ATP9B: variants seen among roughly 807,000 people sequenced by gnomAD.
The protein encoded by ATP9B is probable phospholipid-transporting ATPase IIB.
A neutral mutation model predicts 146.1 loss-of-function variants in ATP9B; 110 were observed. That is an observed-to-expected ratio of 0.75 (90% CI 0.65 to 0.88). The LOEUF is 0.88. Among genes scored for constraint, ATP9B ranks in the 40% least tolerant of loss-of-function variants. The pLI is 0.00. For missense variants in ATP9B, 1,499 were observed against 1,496.4 expected (o/e 1.00, Z -0.03); for synonymous variants, 604 against 569.7 (o/e 1.06, Z -0.86).
chr18:79,369,003 GGTTT>G (rs1487567152), intron 26 of ATP9B, among the ~76,000 whole-genome samples: 1 of 151,908 alleles, frequency 6.6e-6, no homozygotes, highest in African/African-American at 2.4e-5. Context: ...CTGTTTGGAG[GGTTT>G]GTTCTTGATA....
At chr18:79,226,665 C>T (rs529728402) in intron 11 of ATP9B, among the ~76,000 whole-genome samples, 2 of 152,302 alleles carry the variant, frequency 1.3e-5, no homozygotes, top group South Asian at 2.1e-4. Context: ...GCTGCTCACC[C>T]GCAGTAGATG....
chr18:79,222,640 G>A (rs1176530247), intron 11 of ATP9B, among the ~76,000 whole-genome samples: 1 of 152,174 alleles, frequency 6.6e-6, no homozygotes, highest in Non-Finnish European at 1.5e-5. Context: ...AAAATTCTGA[G>A]ATTAAAAAGA....
At position 79,189,654 on chromosome 18, in the gene ATP9B, C is replaced by T. The variant is rs534794922; in HGVS notation, c.874-3529C>T. Among the ~76,000 whole-genome samples the T allele has an allele frequency of 1.2e-4, 19 of 152,226 alleles. 1 individual carries two copies. Among genetic ancestry groups the T allele is most frequent in the Middle Eastern group, 6.8e-3 (2 of 294 alleles). The stretch of plus-strand genomic sequence containing the variant: ...AAAATCATACGGAAGAGAAAATACA[C>T]TTATATAGTACAGTACTGTATTTTT... On this transcript the variant is annotated intron_variant, in intron 8 of 29. Transcript: ENST00000426216.
rs1242043175 is a variant in ATP9B, at chr18:79,347,773, G to A, written c.2686G>A (p.Gly896Ser). The A allele has an allele frequency of 3.2e-6, 5 of 1,558,840 alleles. No homozygotes were observed. The South Asian group carries it at 6.0e-5, about 19-fold the overall frequency. The change falls in exon 24 of 30, where the codon GGT becomes AGT. Residue 896 changes from glycine (G) to serine (S), a missense_variant. Coordinates refer to ENST00000426216, the MANE Select transcript of ATP9B (RefSeq NM_198531.5). ...GCCCCGTGTGCTTTTCTCTCAGGAGGGTAAACAGGCCTCGCTGGCGGCCGA... is the reference window on the plus strand; with the variant it reads ...GCCCCGTGTGCTTTTCTCTCAGGAGAGTAAACAGGCCTCGCTGGCGGCCGA... Reference protein sequence around the residue: ...DCGIGIEGKEGKQASLAADFS... With the variant: ...DCGIGIEGKESKQASLAADFS...
intron 12 of ATP9B, among the ~76,000 whole-genome samples, chr18:79,262,988 AATCT>A (rs1038576007): frequency 3.3e-5 from 5 of 152,368 alleles, no homozygotes; most frequent in East Asian, 3.9e-4. Context: ...AATTTATTTT[AATCT>A]ATCAAAAAAG....
intron 9 of ATP9B, among the ~76,000 whole-genome samples, chr18:79,196,464 AGAG>A (rs1286218619): frequency 3.9e-5 from 6 of 152,310 alleles, no homozygotes; most frequent in African/African-American, 1.2e-4. Context: ...AAAAGCAGGA[AGAG>A]GAGGAGAAAA....
At chr18:79,281,294 C>T (rs1328745882) in intron 13 of ATP9B, among the ~76,000 whole-genome samples, 2 of 151,910 alleles carry the variant, frequency 1.3e-5, no homozygotes, top group Admixed American at 6.6e-5. Context: ...GTCAGGAGTT[C>T]GAGACCAGCC....
intron 5 of ATP9B, among the ~76,000 whole-genome samples, chr18:79,127,399 C>T (rs1331291835): frequency 5.9e-5 from 9 of 152,190 alleles, no homozygotes; most frequent in East Asian, 5.8e-4. Flanking sequence ...AGGCAGCCGC[C>T]GTTCTCCTTT....
intron 4 of ATP9B, chr18:79,117,261 A>G (rs1352310641): frequency 6.6e-6 from 1 of 152,228 alleles, no homozygotes. Flanking sequence ...AGTGAACAAG[A>G]CAAACCAAAT....
chr18:79,333,963 C>T (rs868651040), intron 17 of ATP9B, among the ~76,000 whole-genome samples: 1 of 152,208 alleles, frequency 6.6e-6, no homozygotes, highest in South Asian at 2.1e-4. Context: ...GATGGAGAGT[C>T]TTAAGCAGCG....
At chr18:79,224,746 C>T (rs1459293463) in intron 11 of ATP9B, among the ~76,000 whole-genome samples, 1 of 152,208 alleles carries the variant, frequency 6.6e-6, no homozygotes, top group African/African-American at 2.4e-5. Flanking sequence ...TCTGCACCCT[C>T]CTGTTATCCT....
At chr18:79,132,208 T>C (rs978731238) in intron 5 of ATP9B, among the ~76,000 whole-genome samples, 1 of 152,234 alleles carries the variant, frequency 6.6e-6, no homozygotes, top group African/African-American at 2.4e-5. Context: ...ACTTTAAAAA[T>C]AATTTTCAGT....
Position 79,107,967 on chromosome 18 carries a change from A to G in ATP9B, c.294-2388A>G, listed in dbSNP as rs910662239. Reference sequence around the variant, plus strand: ...TGATGTGGGAGTTCGGCATCAGTATAGTGTAGTTGCAGTTGTCTGAGATGG... The same window carrying G: ...TGATGTGGGAGTTCGGCATCAGTATGGTGTAGTTGCAGTTGTCTGAGATGG... On this transcript the variant is annotated intron_variant, in intron 2 of 29. Transcript: ENST00000426216. Among the ~76,000 whole-genome samples the G allele has an allele frequency of 2.0e-5, 3 of 152,198 alleles. No homozygotes were observed. The South Asian group carries it at 6.2e-4, about 31-fold the overall frequency.
intron 11 of ATP9B, among the ~76,000 whole-genome samples, chr18:79,246,020 A>T (rs1261395965): frequency 1.8e-4 from 22 of 120,116 alleles, no homozygotes; most frequent in East Asian, 1.8e-3. Context: ...CGCCCTACTG[A>T]CTGAGGAGGG....
intron 8 of ATP9B, among the ~76,000 whole-genome samples, chr18:79,190,647 A>G (rs928449124): frequency 1.2e-4 from 19 of 152,026 alleles, no homozygotes; most frequent in African/African-American, 4.1e-4. Flanking sequence ...GGGTTCAACC[A>G]GTTTTCTCCT....
chr18:79,171,280 A>C (rs2095065951), intron 7 of ATP9B, among the ~76,000 whole-genome samples: 1 of 152,144 alleles, frequency 6.6e-6, no homozygotes, highest in Non-Finnish European at 1.5e-5. Context: ...CATTTCCAAA[A>C]TTTAAGACTG....
chr18:79,291,967 C>T (rs1434125524), intron 13 of ATP9B, among the ~76,000 whole-genome samples: 2 of 152,220 alleles, frequency 1.3e-5, no homozygotes, highest in African/African-American at 2.4e-5. Flanking sequence ...CTGTCCTGGG[C>T]GTTCCACGTA....
At chr18:79,350,002 G>A (rs1052639952) in intron 25 of ATP9B, among the ~76,000 whole-genome samples, 11 of 151,162 alleles carry the variant, frequency 7.3e-5, no homozygotes, top group Middle Eastern at 3.2e-3. Context: ...AAGGTATATC[G>A]GGTCCTCGTA....
intron 2 of ATP9B, among the ~76,000 whole-genome samples, chr18:79,099,419 G>T (rs1433060917): frequency 6.6e-6 from 1 of 151,976 alleles, no homozygotes; most frequent in Non-Finnish European, 1.5e-5. Flanking sequence ...ATGGGGTTTT[G>T]CCAAGTTGGC....
Sources: gnomAD v4.1 joint callset for allele counts (sites outside exome capture counted in the v4.1 genomes callset) on GRCh38, gnomAD v4.1.1 for gene constraint, MANE v1.5 for transcripts, NCBI Gene and HGNC (gene_info 2026-07-23, HGNC 2026-07-21) for gene names.